Variants in RBFOX1 observed in about 807,000 individuals in gnomAD.
RBFOX1 encodes the protein RNA binding fox-1 homolog 1.
RBFOX1 carries 8 observed loss-of-function variants against 57.7 expected under a neutral mutation model. That is an observed-to-expected ratio of 0.14 (90% CI 0.08 to 0.25). The LOEUF is 0.25. Ranked by LOEUF, RBFOX1 falls within the 10% of genes least tolerant of loss-of-function variation. The pLI is 1.00. For missense variants in RBFOX1, 611 were observed against 548.5 expected, an observed-to-expected ratio of 1.11 and a Z score of -1.14; for synonymous variants, 326 against 222.4, an observed-to-expected ratio of 1.47 and a Z score of -4.15.
At chr16:7,439,760 G>A (rs1342649490) in intron 4 of RBFOX1, among the ~76,000 whole-genome samples, 1 of 152,012 alleles carries the variant, frequency 6.6e-6, no homozygotes, top group East Asian at 1.9e-4. Flanking sequence ...ATTCTTTCCT[G>A]AGCATCTACC....
At chr16:6,431,038 T>C (rs1475212308) in intron 2 of RBFOX1, among the ~76,000 whole-genome samples, 1 of 151,140 alleles carries the variant, frequency 6.6e-6, no homozygotes, top group Non-Finnish European at 1.5e-5. Context: ...CTTGGGAGGC[T>C]GAGGAGGGAG....
rs1036233672 is a variant in RBFOX1, at chr16:6,100,392, G to T, written c.-127+80400G>T. 7.9e-5 allele frequency among the ~76,000 whole-genome samples: 12 copies of T among 152,268 alleles called. No individual in the cohort carries two copies. In the South Asian group the frequency reaches 1.0e-3, roughly 13 times the overall value. ...TTAGCCAGGATGGTCTCGATTTCCT[G>T]ACCGCGTGATCCGCCCGCCGCGGCC... On this transcript the variant is annotated intron_variant, in intron 1 of 15. Coordinates refer to ENST00000550418, the MANE Select transcript of RBFOX1 (RefSeq NM_018723.4).
chr16:6,924,439 C>T (rs1047386446), intron 3 of RBFOX1, among the ~76,000 whole-genome samples: 1 of 152,060 alleles, frequency 6.6e-6, no homozygotes, highest in East Asian at 2.0e-4. Flanking sequence ...AGTGCTCACT[C>T]ATCACTAAGG....
intron 3 of RBFOX1, among the ~76,000 whole-genome samples, chr16:6,686,694 G>A (rs1334291173): frequency 6.6e-6 from 1 of 152,056 alleles, no homozygotes; most frequent in Non-Finnish European, 1.5e-5. Context: ...TAATGCTAAG[G>A]GAACGCAATT....
At chr16:5,918,810 C>T (rs944737026) in intron 4 of RBFOX1, among the ~76,000 whole-genome samples, 5 of 152,180 alleles carry the variant, frequency 3.3e-5, no homozygotes, top group African/African-American at 1.2e-4. Flanking sequence ...ATAGTGAGAC[C>T]TGCAACAAAG....
chr16:7,243,549 T>A (rs2094159700), intron 4 of RBFOX1, among the ~76,000 whole-genome samples: 1 of 152,132 alleles, frequency 6.6e-6, no homozygotes, highest in South Asian at 2.1e-4. Context: ...TTATTAGTAG[T>A]AGTATTAATA....
intron 4 of RBFOX1, among the ~76,000 whole-genome samples, chr16:5,984,946 T>TTTTATATATATATATATATATA (rs1450037668): frequency 2.2e-4 from 15 of 69,652 alleles, no homozygotes; most frequent in South Asian, 1.3e-3. Context: ...GGCAACTCCA[T>TTTTATATATATATATATATATA]TATATATATA....
chr16:7,269,990 T>G (rs1056050920), intron 4 of RBFOX1, among the ~76,000 whole-genome samples: 9 of 152,248 alleles, frequency 5.9e-5, no homozygotes. Context: ...AACCTTCCCC[T>G]TTTCATCTTG....
At chr16:7,603,724 G>A (rs553835553) in intron 9 of RBFOX1, among the ~76,000 whole-genome samples, 5 of 152,108 alleles carry the variant, frequency 3.3e-5, no homozygotes, top group Non-Finnish European at 7.4e-5. Context: ...TGGGAGAGAC[G>A]GGGAAAGGGA....
chr16:7,625,228 C>T (rs1232227065), intron 10 of RBFOX1, among the ~76,000 whole-genome samples: 4 of 152,062 alleles, frequency 2.6e-5, no homozygotes, highest in Non-Finnish European at 5.9e-5. Flanking sequence ...AAACTGGGCA[C>T]AGGTGGTGAC....
intron 3 of RBFOX1, among the ~76,000 whole-genome samples, chr16:6,689,939 G>T (rs1010183813): frequency 2.0e-5 from 3 of 152,192 alleles, no homozygotes; most frequent in African/African-American, 7.2e-5. Flanking sequence ...CAACGAAGAG[G>T]TGTAAGAGTT....
rs572190563 is a variant in RBFOX1 at position 5,769,732 on chromosome 16, A to G, written c.319-97571A>G. ...GACATGGGGAGAAGAGGAGTCATCT[A>G]CAGTGAGAGGGTCCTGGAACACATC... On this transcript the variant is annotated intron_variant, in intron 3 of 19. Coordinates refer to the RBFOX1 transcript ENST00000641259. Among the ~76,000 whole-genome samples, 6 of 152,304 alleles carry G rather than the reference A, an allele frequency of 3.9e-5. No homozygotes were observed. The East Asian group carries it at 9.7e-4, about 25-fold the overall frequency.
At chr16:6,688,935 G>C (rs1250863586) in intron 3 of RBFOX1, among the ~76,000 whole-genome samples, 2 of 151,942 alleles carry the variant, frequency 1.3e-5, no homozygotes, top group Non-Finnish European at 2.9e-5. Context: ...ATGGTTTCCA[G>C]CTTCGTCCAT....
intron 4 of RBFOX1, among the ~76,000 whole-genome samples, chr16:7,364,619 G>C (rs2097402034): frequency 6.7e-6 from 1 of 149,940 alleles, no homozygotes; most frequent in Non-Finnish European, 1.5e-5. Context: ...TCCCAGAAGA[G>C]AATTATTCAG....
chr16:7,674,792 G>GTTGT lies in RBFOX1; in HGVS notation c.931-1978_931-1975dup, dbSNP rs557186845. 6.6e-5 allele frequency among the ~76,000 whole-genome samples: 10 copies of GTTGT among 152,302 alleles called. 1 individual carries two copies. In the East Asian group the frequency reaches 1.7e-3, roughly 26 times the overall value. ...CCTACTAGTCAGTGTGGTTCATTTA[G>GTTGT]TTGTTTGCACCGCAGCAATTCTTCC... On this transcript the variant is annotated intron_variant, in intron 13 of 15. Transcript: ENST00000550418.
At chr16:6,230,456 G>T (rs1349367956) in intron 1 of RBFOX1, among the ~76,000 whole-genome samples, 1 of 152,108 alleles carries the variant, frequency 6.6e-6, no homozygotes, top group African/African-American at 2.4e-5. Context: ...AGACCACCGC[G>T]TTCTAAAACT....
chr16:7,088,395 G>A (rs961230556), intron 4 of RBFOX1, among the ~76,000 whole-genome samples: 9 of 152,186 alleles, frequency 5.9e-5, no homozygotes, highest in Admixed American at 2.0e-4. Context: ...GTGCTGTAGA[G>A]GAGAGTAGCG....
intron 3 of RBFOX1, among the ~76,000 whole-genome samples, chr16:6,881,985 G>A (rs538552965): frequency 2.6e-5 from 4 of 152,120 alleles, no homozygotes; most frequent in Non-Finnish European, 2.9e-5. Context: ...AGACATAAAG[G>A]AGAAATTTTT....
intron 1 of RBFOX1, among the ~76,000 whole-genome samples, chr16:5,428,114 GTGTGTGTC>G (rs1017177181): frequency 1.4e-4 from 14 of 98,946 alleles, no homozygotes; most frequent in African/African-American, 4.6e-4. Flanking sequence ...GGGTGTGTGT[GTGTGTGTC>G]TGTGTGTGTG....
Sources: allele counts gnomAD v4.1 joint callset (sites outside exome capture counted in the v4.1 genomes callset), GRCh38; gene constraint gnomAD v4.1.1; transcripts MANE v1.5; gene names NCBI Gene and HGNC (gene_info 2026-07-23, HGNC 2026-07-21).